The following TMPRSS11E variants were observed in gnomAD, a reference collection of about 807,000 sequenced individuals.
TMPRSS11E encodes the protein transmembrane serine protease 11E, also known as transmembrane protease serine 11E.
A neutral mutation model predicts 48.1 loss-of-function variants in TMPRSS11E; 38 were observed. That is an observed-to-expected ratio of 0.79 (90% CI 0.61 to 1.04). TMPRSS11E has a LOEUF of 1.04. Among genes scored for constraint, TMPRSS11E ranks in the 50% least tolerant of loss-of-function variants. The pLI, the probability that TMPRSS11E is intolerant of heterozygous loss-of-function variation, is 0.00. For synonymous variants in TMPRSS11E, 158 were observed against 171.9 expected, an observed-to-expected ratio of 0.92 and a Z score of 0.63; for missense variants, 530 against 510.8, an observed-to-expected ratio of 1.04 and a Z score of -0.36.
chr4:68,458,539 G>A (rs1222971821), intron 1 of TMPRSS11E, among the ~76,000 whole-genome samples: 1 of 152,210 alleles, frequency 6.6e-6, no homozygotes, highest in Non-Finnish European at 1.5e-5. Context: ...TGAAAATATT[G>A]ACTGGACAAG....
In TMPRSS11E at chr4:68,454,574, A is replaced by G. The variant is rs141199076; in HGVS notation, c.11+7051A>G. Among the ~76,000 whole-genome samples, 608 of 152,026 alleles carry G rather than the reference A, an allele frequency of 4.0e-3. 4 individuals are homozygous for G. The highest frequency in any genetic ancestry group is 0.014 in the African/African-American group (585 of 41,516). ...GAAAATTCTTTAATCAGGAAAACTC[A>G]CTTTTCATTTTGGAAGAATTATTTA... On this transcript the variant is annotated intron_variant, in intron 1 of 9. Coordinates refer to ENST00000305363, the MANE Select transcript of TMPRSS11E (RefSeq NM_014058.4).
chr4:68,468,867 T>A lies in TMPRSS11E; in HGVS notation c.259-12T>A. 6.4e-7 allele frequency: 1 copy of A among 1,567,424 alleles called. No individual in the cohort carries two copies. Among genetic ancestry groups the A allele is most frequent in the South Asian group, 1.1e-5 (1 of 89,770 alleles). ...GTTCTTGCTGATATATTTTGAATAT[T>A]TTTACAAACAGGTGAAAAATGCATT... On this transcript the variant is annotated splice_polypyrimidine_tract_variant and intron_variant, in intron 3 of 9. Transcript: ENST00000305363.
At chr4:68,450,395 C>T (rs910379387) in intron 1 of TMPRSS11E, among the ~76,000 whole-genome samples, 3 of 151,864 alleles carry the variant, frequency 2.0e-5, no homozygotes, top group Non-Finnish European at 2.9e-5. Flanking sequence ...ATTGTCTAGG[C>T]GGTTAGTAAG....
chr4:68,471,348 T>TCCTC (rs1729060046), intron 4 of TMPRSS11E, 112 bp from the exon 5 acceptor site: 1 of 669,116 alleles, frequency 1.5e-6, no homozygotes, highest in South Asian at 5.0e-5. Flanking sequence ...TTTCTTTCTT[T>TCCTC]CCTCCCTCCC....
chr4:68,487,989 C>T (rs1444808911), intron 9 of TMPRSS11E, among the ~76,000 whole-genome samples: 2 of 150,962 alleles, frequency 1.3e-5, no homozygotes, highest in African/African-American at 4.9e-5. Flanking sequence ...GTATAGGTCC[C>T]CAATCTCTTT....
intron 1 of TMPRSS11E, among the ~76,000 whole-genome samples, chr4:68,452,673 C>A (rs1266347401): frequency 6.6e-6 from 1 of 152,034 alleles, no homozygotes; most frequent in Non-Finnish European, 1.5e-5. Flanking sequence ...AGATAACTTA[C>A]CTTGGCTTTC....
At chr4:68,453,690 A>G (rs1417308367) in intron 1 of TMPRSS11E, among the ~76,000 whole-genome samples, 2 of 151,956 alleles carry the variant, frequency 1.3e-5, no homozygotes, top group Non-Finnish European at 2.9e-5. Context: ...TCTGTTTTGC[A>G]TATTATAATA....
chr4:68,457,035 A>G (rs988973095), intron 1 of TMPRSS11E, among the ~76,000 whole-genome samples: 1 of 152,224 alleles, frequency 6.6e-6, no homozygotes, highest in Admixed American at 6.5e-5. Flanking sequence ...CAATGGCAAC[A>G]GAAGCCAAAA....
intron 1 of TMPRSS11E, among the ~76,000 whole-genome samples, chr4:68,452,392 A>G (rs1311080040): frequency 1.3e-5 from 2 of 151,976 alleles, no homozygotes; most frequent in African/African-American, 2.4e-5. Flanking sequence ...TAAAAATATT[A>G]TTTGACGTAA....
chr4:68,461,325 C>A (rs1247250121), intron 1 of TMPRSS11E, among the ~76,000 whole-genome samples: 1 of 152,158 alleles, frequency 6.6e-6, no homozygotes, highest in Non-Finnish European at 1.5e-5. Flanking sequence ...GAATTAGCAA[C>A]TCCATGTGAA....
chr4:68,462,859 A>G (rs1728830606), intron 2 of TMPRSS11E, among the ~76,000 whole-genome samples: 2 of 152,176 alleles, frequency 1.3e-5, no homozygotes, highest in South Asian at 4.1e-4. Flanking sequence ...ATGAACTGTT[A>G]GTTGCTATGT....
chr4:68,455,928 C>T (rs1728616999), intron 1 of TMPRSS11E, among the ~76,000 whole-genome samples: 1 of 151,806 alleles, frequency 6.6e-6, no homozygotes, highest in Non-Finnish European at 1.5e-5. Flanking sequence ...GTCTATAAAC[C>T]CATAACTAAT....
chr4:68,493,295 T>G (rs1729780233), intron 9 of TMPRSS11E, among the ~76,000 whole-genome samples: 1 of 152,192 alleles, frequency 6.6e-6, no homozygotes, highest in South Asian at 2.1e-4. Context: ...ATTTTGAAGT[T>G]AATCCCAGAT....
chr4:68,472,771 A>G (rs1405299394), intron 5 of TMPRSS11E, among the ~76,000 whole-genome samples: 1 of 152,094 alleles, frequency 6.6e-6, no homozygotes, highest in Non-Finnish European at 1.5e-5. Flanking sequence ...ACCTGTTTTC[A>G]AAAAGCAAGA....
chr4:68,457,460 T>A (rs1180808252), intron 1 of TMPRSS11E, among the ~76,000 whole-genome samples: 3 of 152,116 alleles, frequency 2.0e-5, no homozygotes, highest in African/African-American at 7.2e-5. Flanking sequence ...GAGTGTAAAT[T>A]AGTTCAACCA....
chr4:68,472,900 A>G (rs1267049632), intron 5 of TMPRSS11E, among the ~76,000 whole-genome samples: 1 of 152,068 alleles, frequency 6.6e-6, no homozygotes, highest in Non-Finnish European at 1.5e-5. Context: ...AAAAAATTAA[A>G]TTTGTAGATT....
chr4:68,483,521 T>C (rs1230553833), intron 9 of TMPRSS11E, among the ~76,000 whole-genome samples: 1 of 152,246 alleles, frequency 6.6e-6, no homozygotes, highest in Non-Finnish European at 1.5e-5. Flanking sequence ...TCTTAAAGAT[T>C]CTGGATATTA....
At chr4:68,477,729 A>C in intron 8 of TMPRSS11E, 101 bp downstream of exon 8, 1 of 1,435,380 alleles carries the variant, frequency 7.0e-7, no homozygotes, top group Non-Finnish European at 9.6e-7. Context: ...TTGTGTGGTC[A>C]TATGACCTGG....
At chr4:68,463,868 G>C (rs867897352) in intron 2 of TMPRSS11E, among the ~76,000 whole-genome samples, 1 of 152,248 alleles carries the variant, frequency 6.6e-6, no homozygotes, top group Middle Eastern at 3.4e-3. Context: ...CGGCTTGTCT[G>C]ACTTCACAAG....
Sources: allele counts gnomAD v4.1 joint callset (sites outside exome capture counted in the v4.1 genomes callset), GRCh38; gene constraint gnomAD v4.1.1; transcripts MANE v1.5; gene names NCBI Gene and HGNC (gene_info 2026-07-23, HGNC 2026-07-21).